ZFHX3: variants seen among roughly 807,000 people sequenced by gnomAD.
ZFHX3 encodes the protein zinc finger homeobox protein 3.
ZFHX3 carries 42 observed loss-of-function variants against 279.1 expected under a neutral mutation model. The observed-to-expected ratio is 0.15, with a 90% CI of 0.12 to 0.19. The LOEUF (loss-of-function observed/expected upper bound fraction) is 0.19, where lower values mean the gene tolerates loss of function less well. Among genes scored for constraint, ZFHX3 ranks in the 10% least tolerant of loss-of-function variants. ZFHX3 has a pLI of 1.00. For missense variants in ZFHX3, 4,981 were observed against 4,754.0 expected (o/e 1.05, Z -1.40); for synonymous variants, 2,293 against 1,957.8 (o/e 1.17, Z -4.52).
Position 72,799,480 on chromosome 16 carries a change from A to C in ZFHX3, c.3967+547T>G, listed in dbSNP as rs115610483. 8.0e-3 allele frequency among the ~76,000 whole-genome samples: 1,222 copies of C among 152,312 alleles called. 24 individuals carry two copies. Among genetic ancestry groups the C allele is most frequent in the African/African-American group, 0.027 (1,125 of 41,568 alleles). On this transcript the variant is annotated intron_variant, in intron 8 of 9. Transcript: ENST00000268489. ...CCCAACTTAGAACTCTTCCCACCTT[A>C]GAGGTGAACGATGTAGGACAGCCTC... is the stretch of plus-strand genomic sequence containing the variant.
chr16:73,835,657 G>A (rs1468986316), intron 1 of ZFHX3, among the ~76,000 whole-genome samples: 1 of 151,768 alleles, frequency 6.6e-6, no homozygotes, highest in Non-Finnish European at 1.5e-5. Flanking sequence ...TTTTAGTAGA[G>A]ATGGGGTTTC....
At chr16:73,105,444 C>CACACACATAT (rs1567389929) in intron 7 of ZFHX3, among the ~76,000 whole-genome samples, 1 of 125,512 alleles carries the variant, frequency 8.0e-6, no homozygotes, top group Non-Finnish European at 1.7e-5. Flanking sequence ...CACACACACA[C>CACACACATAT]ATATATATAT....
intron 1 of ZFHX3, among the ~76,000 whole-genome samples, chr16:73,701,620 T>A (rs1355092520): frequency 2.6e-5 from 4 of 152,186 alleles, no homozygotes; most frequent in African/African-American, 9.6e-5. Flanking sequence ...CACCAAATTT[T>A]TCATTGAGAA....
At chr16:73,056,636 G>A (rs530257964) in intron 1 of ZFHX3, among the ~76,000 whole-genome samples, 1 of 152,200 alleles carries the variant, frequency 6.6e-6, no homozygotes, top group Non-Finnish European at 1.5e-5. Context: ...CCGGAGGGCA[G>A]GGCAGTAAAT....
At chr16:73,601,467 C>G (rs2052117055) in intron 2 of ZFHX3, among the ~76,000 whole-genome samples, 1 of 64,278 alleles carries the variant, frequency 1.6e-5, no homozygotes, top group Non-Finnish European at 4.9e-5. Context: ...GAGACTCCAT[C>G]TCAAAAAAAA....
At chr16:73,164,061 G>A (rs35184703) in intron 5 of ZFHX3, among the ~76,000 whole-genome samples, 19,787 of 152,108 alleles carry the variant, frequency 0.13, 1,702 homozygotes, top group Middle Eastern at 0.23. Context: ...TGCAACTGCC[G>A]CAAGGTTCTG....
At chr16:73,175,988 C>T (rs1405779793) in intron 5 of ZFHX3, among the ~76,000 whole-genome samples, 1 of 152,174 alleles carries the variant, frequency 6.6e-6, no homozygotes, top group Non-Finnish European at 1.5e-5. Flanking sequence ...AACTCCTTAC[C>T]TTTCTTCTGC....
chr16:72,794,968 T>C lies in ZFHX3; in HGVS notation c.7714A>G (p.Met2572Val), dbSNP rs147672861. Residue 2572 changes from methionine to valine, a missense_variant, in exon 9 of 10, where the codon ATG (methionine) becomes GTG (valine). Met to Val is a conservative substitution (Grantham distance 21). Coordinates refer to ENST00000268489, the MANE Select transcript of ZFHX3 (RefSeq NM_006885.4). This position sits in a 1 kb window ranked among gnomAD's most constrained non-coding sequence, Gnocchi z 4.2. The stretch of plus-strand genomic sequence containing the variant: ...CTGGGATCAAAGAGCATGAAAGGCA[T>C]ATCCAGGGACCTGTCCAAAAACTGG... ...HPQFLDRSLDMPFMLFDPSNP... is the reference protein window; with the variant it reads ...HPQFLDRSLDVPFMLFDPSNP... 6.5e-4 allele frequency: 1,054 copies of C among 1,614,152 alleles called. 19 individuals are homozygous for C. In the East Asian group the frequency reaches 0.021, roughly 33 times the overall value.
At chr16:73,641,170 G>C (rs897600596) in intron 2 of ZFHX3, among the ~76,000 whole-genome samples, 3 of 152,152 alleles carry the variant, frequency 2.0e-5, no homozygotes, top group African/African-American at 7.2e-5. Context: ...CCCAACACGT[G>C]TTTTCTGAGG....
Position 72,958,931 on chromosome 16 carries a change from C to A in ZFHX3, c.1215G>T (p.Gly405=), listed in dbSNP as rs367842331. 1.6e-5 allele frequency: 25 copies of A among 1,598,600 alleles called. No individual in the cohort carries two copies. Among genetic ancestry groups the A allele is most frequent in the Non-Finnish European group, 2.0e-5 (23 of 1,172,238 alleles). The stretch of plus-strand genomic sequence containing the variant: ...GGGTCTTCAGTACCGAGCTGGTGAG[C>A]CCGCCAAGGTTCAACAGGGTGCTGG... ...LTPSTLLNLG[G]LTSSVLKTPI... is the part of the protein sequence containing the mutation. Residue 405 remains glycine (G), a synonymous_variant, in exon 2 of 10, where the codon GGG becomes GGT. Coordinates refer to ENST00000268489, the MANE Select transcript of ZFHX3 (RefSeq NM_006885.4).
intron 4 of ZFHX3, among the ~76,000 whole-genome samples, chr16:73,276,077 A>G (rs923948131): frequency 1.3e-5 from 2 of 151,812 alleles, no homozygotes; most frequent in African/African-American, 2.4e-5. Flanking sequence ...TTCCTACACA[A>G]CAAATTGTGT....
intron 1 of ZFHX3, among the ~76,000 whole-genome samples, chr16:73,700,232 A>C (rs1241958779): frequency 6.6e-6 from 1 of 152,158 alleles, no homozygotes; most frequent in Non-Finnish European, 1.5e-5. Context: ...CTCAAAAAAA[A>C]AGAAAAGAAA....
chr16:72,785,378 G>A lies in ZFHX3; in HGVS notation c.*1786C>T, dbSNP rs904218298. 1 of 152,618 alleles carries A rather than the reference G, an allele frequency of 6.6e-6. No individual in the cohort carries two copies. 9.5% of individuals were successfully genotyped at this position (152,618 alleles called of 1,614,324 possible). On this transcript the variant is annotated 3_prime_UTR_variant, in exon 10 of 10. Coordinates refer to ENST00000268489, the MANE Select transcript of ZFHX3 (RefSeq NM_006885.4). ...TGCGCTCTGGATCACTCGCTGCTCA[G>A]ACTGCCTAACACAAGGACAAAACTT...
intron 1 of ZFHX3, among the ~76,000 whole-genome samples, chr16:73,020,087 G>A (rs978753224): frequency 5.9e-5 from 9 of 152,100 alleles, no homozygotes; most frequent in African/African-American, 1.9e-4. Flanking sequence ...CTTGGTTTGA[G>A]AGCTGACTAT....
Position 72,950,867 on chromosome 16 carries a change from G to C in ZFHX3, c.2818C>G (p.Pro940Ala). The C allele has an allele frequency of 6.2e-6, 10 of 1,614,036 alleles. No individual in the cohort carries two copies. Among genetic ancestry groups the C allele is most frequent in the Non-Finnish European group, 8.5e-6 (10 of 1,180,034 alleles). ...LGESFIQTND[P>A]SLKLFQCAVC... ...GCGCACTGGAAGAGCTTCAGCGACG[G>C]GTCGTTGGTCTGGATGAAGCTCTCG... The change falls in exon 3 of 10, where the codon CCG becomes GCG. Residue 940 changes from proline (P) to alanine (A), a missense_variant. By Grantham distance (27) the Pro-to-Ala change is conservative. This residue lies in a region of ZFHX3 where 1,751 missense variants were observed against 1,770.0 expected (regional missense o/e 0.99). Transcript: ENST00000268489.
intron 1 of ZFHX3, among the ~76,000 whole-genome samples, chr16:73,025,185 T>A (rs934062004): frequency 1.3e-5 from 2 of 152,008 alleles, no homozygotes; most frequent in Admixed American, 6.6e-5. Context: ...AAATGTCATG[T>A]CAGCTATGAA....
intron 1 of ZFHX3, among the ~76,000 whole-genome samples, chr16:73,730,608 C>T (rs1267038383): frequency 6.6e-6 from 1 of 152,118 alleles, no homozygotes; most frequent in African/African-American, 2.4e-5. Flanking sequence ...CATCAGGCTT[C>T]TAATTGTACT....
At chr16:73,300,766 A>T (rs2015036962) in intron 4 of ZFHX3, among the ~76,000 whole-genome samples, 1 of 152,068 alleles carries the variant, frequency 6.6e-6, no homozygotes, top group South Asian at 2.1e-4. Context: ...GGCCTCCCAA[A>T]GTGTTGGGAT....
intron 2 of ZFHX3, among the ~76,000 whole-genome samples, chr16:73,587,540 T>G (rs2051940314): frequency 6.6e-6 from 1 of 152,140 alleles, no homozygotes; most frequent in African/African-American, 2.4e-5. Context: ...TCCCAAATGT[T>G]TGCATGCCAA....
Sources: gnomAD v4.1 joint callset for allele counts (sites outside exome capture counted in the v4.1 genomes callset) on GRCh38, gnomAD v4.1.1 for gene constraint, gnomAD v4.1.1 regional missense constraint, Gnocchi (gnomAD v3.1) non-coding constraint, MANE v1.5 for transcripts, NCBI Gene and HGNC (gene_info 2026-07-23, HGNC 2026-07-21) for gene names.